Variants in AK8 observed in about 807,000 individuals in gnomAD.
AK8 encodes ATP-AMP transphosphorylase 8.
In AK8, 44 loss-of-function variants were observed where a neutral mutation model predicts 54.6. The observed-to-expected ratio is 0.81, with a 90% confidence interval of 0.63 to 1.04. The LOEUF (loss-of-function observed/expected upper bound fraction) is 1.04, where lower values mean the gene tolerates loss of function less well. Among genes scored for constraint, AK8 ranks in the 50% least tolerant of loss-of-function variants. AK8 has a pLI of 0.00. For synonymous variants in AK8, 239 were observed against 245.6 expected (o/e 0.97, Z 0.25); for missense variants, 555 against 613.6 (o/e 0.90, Z 1.01).
chr9:132,750,653 C>A (rs935300581), intron 11 of AK8, among the ~76,000 whole-genome samples: 4 of 152,074 alleles, frequency 2.6e-5, no homozygotes, highest in African/African-American at 9.6e-5. Flanking sequence ...CAGATTCTAG[C>A]GCTTCAAAGG....
intron 11 of AK8, among the ~76,000 whole-genome samples, chr9:132,772,051 G>A (rs1839003351): frequency 6.6e-6 from 1 of 152,148 alleles, no homozygotes; most frequent in South Asian, 2.1e-4. Flanking sequence ...GCATGGGAAG[G>A]ACCTGCCCCC....
intron 11 of AK8, among the ~76,000 whole-genome samples, chr9:132,775,670 A>T (rs1839182068): frequency 1.3e-5 from 2 of 152,162 alleles, no homozygotes; most frequent in African/African-American, 4.8e-5. Flanking sequence ...AGCCCTTGCT[A>T]TATGGCATGA....
At chr9:132,749,983 AGAGATACTGACAGCACACTCTTG>A (rs1450320219) in intron 11 of AK8, among the ~76,000 whole-genome samples, 27 of 148,468 alleles carry the variant, frequency 1.8e-4, no homozygotes, top group African/African-American at 4.3e-4. Context: ...GCACACTCCT[AGAGATACTGACAGCACACTCTTG>A]GAGATACTGA....
At chr9:132,854,221 T>C (rs1364878234) in intron 5 of AK8, among the ~76,000 whole-genome samples, 1 of 152,138 alleles carries the variant, frequency 6.6e-6, no homozygotes, top group East Asian at 1.9e-4. Flanking sequence ...TACACATACA[T>C]ACATATATAC....
intron 10 of AK8, among the ~76,000 whole-genome samples, chr9:132,801,538 G>A (rs189394697): frequency 1.3e-5 from 2 of 152,272 alleles, no homozygotes; most frequent in East Asian, 1.9e-4. Context: ...TAAGGAACAC[G>A]ATTTTCCTTC....
chr9:132,792,650 C>T lies in AK8; in HGVS notation c.1105G>A (p.Gly369Ser). 2 of 1,553,724 alleles carry T rather than the reference C, an allele frequency of 1.3e-6. No homozygotes were observed. Among genetic ancestry groups the T allele is most frequent in the Non-Finnish European group, 1.7e-6 (2 of 1,149,174 alleles). ...LDQAHLLNRL[G>S]YNPNRVFFLN... ...GCAGCTCACCTGTTGGGATTGTAGC[C>T]CAGGCGGTTCAGCAGGTGTGCCTGG... Residue 369 changes from glycine (G) to serine (S), a missense_variant, in exon 11 of 13, where the codon GGC becomes AGC. Gly to Ser is a moderately conservative substitution (Grantham distance 56, BLOSUM62 0). Coordinates refer to ENST00000298545, the MANE Select transcript of AK8 (RefSeq NM_152572.3).
intron 10 of AK8, among the ~76,000 whole-genome samples, chr9:132,802,608 T>C (rs1840515034): frequency 6.6e-6 from 1 of 152,000 alleles, no homozygotes; most frequent in South Asian, 2.1e-4. Flanking sequence ...ATTCCAAGCG[T>C]GCCCTCCCAG....
At chr9:132,759,180 A>G (rs980128451) in intron 11 of AK8, among the ~76,000 whole-genome samples, 1 of 145,738 alleles carries the variant, frequency 6.9e-6, no homozygotes, top group Non-Finnish European at 1.5e-5. Flanking sequence ...TGAGGGACAC[A>G]GTGAGACCTG....
At chr9:132,809,564 G>A (rs1840899496) in intron 10 of AK8, among the ~76,000 whole-genome samples, 1 of 152,166 alleles carries the variant, frequency 6.6e-6, no homozygotes, top group Admixed American at 6.5e-5. Context: ...CCATCTCCCT[G>A]TCCCCACCAC....
At chr9:132,845,778 C>CAAAAA in intron 5 of AK8, among the ~76,000 whole-genome samples, 1 of 108,862 alleles carries the variant, frequency 9.2e-6, no homozygotes, top group Admixed American at 9.8e-5. Flanking sequence ...AACTCCATCT[C>CAAAAA]AAAAAAAAAA....
chr9:132,834,007 G>A (rs189743215), intron 5 of AK8, among the ~76,000 whole-genome samples: 4 of 152,306 alleles, frequency 2.6e-5, no homozygotes, highest in Admixed American at 6.5e-5. Context: ...GATCTGGCTC[G>A]CAGCTCCGAC....
chr9:132,872,360 A>T (rs1039195380), intron 2 of AK8, among the ~76,000 whole-genome samples: 2 of 1,874 alleles, frequency 1.1e-3, no homozygotes, highest in African/African-American at 0.014. Context: ...GGAGAAAATA[A>T]AAAAAAGAGA....
chr9:132,796,984 G>C (rs1271929527), intron 10 of AK8, among the ~76,000 whole-genome samples: 1 of 152,130 alleles, frequency 6.6e-6, no homozygotes, highest in Non-Finnish European at 1.5e-5. Context: ...GGATGTCGGA[G>C]GCAGGGAGGG....
chr9:132,839,638 C>A (rs561946799), intron 5 of AK8, among the ~76,000 whole-genome samples: 2 of 152,108 alleles, frequency 1.3e-5, no homozygotes, highest in Non-Finnish European at 2.9e-5. Context: ...GTCACAGTGT[C>A]GCTTTGACTC....
rs561153187 is a variant in AK8, at chr9:132,741,624, T to C, written c.1122-14090A>G. 2.6e-5 allele frequency among the ~76,000 whole-genome samples: 4 copies of C among 152,246 alleles called. No homozygotes were observed. The South Asian group carries it at 6.2e-4, about 24-fold the overall frequency. ...TCCAACTGAAGCATCGTGAGGGTCT[T>C]GAGCCCTAGTTTTCGTTTTTGTTTT... On this transcript the variant is annotated intron_variant, in intron 11 of 12. Coordinates refer to ENST00000298545, the MANE Select transcript of AK8 (RefSeq NM_152572.3).
chr9:132,741,061 T>TC (rs892248365), intron 11 of AK8, among the ~76,000 whole-genome samples: 1 of 151,810 alleles, frequency 6.6e-6, no homozygotes, highest in Non-Finnish European at 1.5e-5. Context: ...GAGTGCCTTT[T>TC]CCCCCCATTT....
At position 132,821,767 on chromosome 9, in the gene AK8, A is replaced by T. The variant is rs956838722; in HGVS notation, c.889+1438T>A. Among the ~76,000 whole-genome samples the T allele has an allele frequency of 1.5e-4, 17 of 109,960 alleles. 1 individual carries two copies. The highest frequency in any genetic ancestry group is 6.7e-4 in the African/African-American group (17 of 25,304). 72.1% of individuals were successfully genotyped at this position (109,960 alleles called of 152,430 possible). A position where few individuals can be genotyped will look rare whatever the true frequency, so the allele number is the denominator to read the frequency against. ...TATGTATATACAAATATATACATAT[A>T]TGTATATGTGTATGTATATACAAAT... is the stretch of plus-strand genomic sequence containing the variant. On this transcript the variant is annotated intron_variant, in intron 9 of 12. Coordinates refer to ENST00000298545, the MANE Select transcript of AK8 (RefSeq NM_152572.3).
chr9:132,852,656 G>A (rs1378304418), intron 5 of AK8, among the ~76,000 whole-genome samples: 1 of 150,172 alleles, frequency 6.7e-6, no homozygotes, highest in Non-Finnish European at 1.5e-5. Context: ...TGTAACTCCA[G>A]CTAATGGGGA....
At chr9:132,855,073 C>A in intron 4 of AK8, 148 bp from the exon 5 acceptor site, 1 of 734,258 alleles carries the variant, frequency 1.4e-6, no homozygotes, top group Non-Finnish European at 2.4e-6. Context: ...CCGCTGCACC[C>A]TTTCCTTGAA....
Sources: gnomAD v4.1 joint callset for allele counts (sites outside exome capture counted in the v4.1 genomes callset) on GRCh38, gnomAD v4.1.1 for gene constraint, MANE v1.5 for transcripts, NCBI Gene and HGNC (gene_info 2026-07-23, HGNC 2026-07-21) for gene names.